Variants in CEP85L observed in about 807,000 individuals in gnomAD.
CEP85L encodes the protein centrosomal protein 85L, also known as centrosomal protein of 85 kDa-like.
CEP85L carries 60 observed loss-of-function variants against 100.3 expected under a neutral mutation model. That is an observed-to-expected ratio of 0.60 (90% CI 0.49 to 0.74). CEP85L has a LOEUF of 0.74. CEP85L is among the 30% of genes least tolerant of loss of function. The probability of loss-of-function intolerance (pLI) is 0.00; values close to 1 mark genes in which losing one functional copy is unlikely to be tolerated. For missense variants in CEP85L, 973 were observed against 936.2 expected, an observed-to-expected ratio of 1.04 and a Z score of -0.51; for synonymous variants, 319 against 322.7, an observed-to-expected ratio of 0.99 and a Z score of 0.12.
chr6:118,600,222 T>C (rs972216841), intron 2 of CEP85L, among the ~76,000 whole-genome samples: 1 of 148,438 alleles, frequency 6.7e-6, no homozygotes, highest in African/African-American at 2.5e-5. Context: ...GAACAGAATA[T>C]GGAAAGAAGA....
chr6:118,556,535 T>C (rs953447940), intron 3 of CEP85L, among the ~76,000 whole-genome samples: 1 of 152,200 alleles, frequency 6.6e-6, no homozygotes, highest in Non-Finnish European at 1.5e-5. Context: ...TCATGCCTGA[T>C]ACTTACCTTC....
At chr6:118,628,864 G>A (rs186551283) in intron 2 of CEP85L, among the ~76,000 whole-genome samples, 120 of 152,218 alleles carry the variant, frequency 7.9e-4, no homozygotes, top group African/African-American at 2.6e-3. Flanking sequence ...GGCACAATCC[G>A]TGAAAGCAAC....
At chr6:118,623,293 A>G (rs1773572561) in intron 2 of CEP85L, among the ~76,000 whole-genome samples, 1 of 152,196 alleles carries the variant, frequency 6.6e-6, no homozygotes, top group Non-Finnish European at 1.5e-5. Context: ...CTTCACCCAC[A>G]TGCCTAAGTC....
At chr6:118,607,274 G>A (rs1772289563) in intron 2 of CEP85L, among the ~76,000 whole-genome samples, 1 of 152,110 alleles carries the variant, frequency 6.6e-6, no homozygotes, top group Non-Finnish European at 1.5e-5. Context: ...AGAAAAGATA[G>A]GAAAGGAAAA....
intron 5 of CEP85L, among the ~76,000 whole-genome samples, chr6:118,493,982 A>C (rs185088689): frequency 6.6e-6 from 1 of 152,310 alleles, no homozygotes; most frequent in African/African-American, 2.4e-5. Context: ...AAAAAAAATA[A>C]AATAAAAAGC....
chr6:118,469,002 C>T (rs902144766), intron 12 of CEP85L, 70 bp downstream of exon 12: 12 of 1,022,508 alleles, frequency 1.2e-5, no homozygotes, highest in South Asian at 2.8e-5. Context: ...AAAAGGCAGT[C>T]GGAAGTTCCT....
At chr6:118,600,297 GGGGGTGTGTGTGTGTGTGT>G (rs1781671220) in intron 2 of CEP85L, among the ~76,000 whole-genome samples, 15 of 61,282 alleles carry the variant, frequency 2.4e-4, no homozygotes, top group African/African-American at 9.8e-4. Flanking sequence ...GAGCCTTCCT[GGGGGTGTGTGTGTGTGTGT>G]GTGTGTGTGT....
At chr6:118,496,274 G>A (rs1355353198) in intron 5 of CEP85L, among the ~76,000 whole-genome samples, 2 of 152,188 alleles carry the variant, frequency 1.3e-5, no homozygotes, top group East Asian at 1.9e-4. Context: ...TGATGGTGCA[G>A]CTCTGTGAGG....
At chr6:118,668,360 A>G (rs1776194543) in intron 1 of CEP85L, among the ~76,000 whole-genome samples, 1 of 152,236 alleles carries the variant, frequency 6.6e-6, no homozygotes, top group African/African-American at 2.4e-5. Flanking sequence ...GCTTACCTGA[A>G]TAAGGTGGGT....
intron 4 of CEP85L, among the ~76,000 whole-genome samples, chr6:118,519,581 TGGCGGGGG>T (rs1776534139): frequency 6.6e-4 from 2 of 3,036 alleles, no homozygotes; most frequent in African/African-American, 1.5e-3. Flanking sequence ...TGTGTGTGTG[TGGCGGGGG>T]GGGGGTGTGA....
intron 1 of CEP85L, among the ~76,000 whole-genome samples, chr6:118,688,950 T>A (rs1247857589): frequency 6.7e-6 from 1 of 149,022 alleles, no homozygotes. Context: ...TCAGCCAACA[T>A]GGGAACCACC....
chr6:118,636,267 T>C (rs1774487675), intron 1 of CEP85L, among the ~76,000 whole-genome samples: 1 of 152,240 alleles, frequency 6.6e-6, no homozygotes, highest in South Asian at 2.1e-4. Context: ...AGCATATTAA[T>C]TCATTTCTTT....
intron 3 of CEP85L, among the ~76,000 whole-genome samples, chr6:118,539,192 G>C (rs1279256731): frequency 6.6e-6 from 1 of 152,126 alleles, no homozygotes; most frequent in Non-Finnish European, 1.5e-5. Flanking sequence ...AAAAATATTT[G>C]ATAGTCATGC....
At chr6:118,524,030 G>C (rs958884702) in intron 3 of CEP85L, 110 bp from the exon 4 acceptor site, 2 of 458,870 alleles carry the variant, frequency 4.4e-6, no homozygotes, top group African/African-American at 4.1e-5. Context: ...CTCCCTCTTT[G>C]ATTTTTTAAT....
At chr6:118,505,675 T>C (rs756974883) in intron 5 of CEP85L, among the ~76,000 whole-genome samples, 1 of 152,140 alleles carries the variant, frequency 6.6e-6, no homozygotes, top group Non-Finnish European at 1.5e-5. Flanking sequence ...TCCAATTACA[T>C]AACATTCTGG....
chr6:118,552,872 C>T (rs1025676680), intron 3 of CEP85L, among the ~76,000 whole-genome samples: 1 of 152,046 alleles, frequency 6.6e-6, no homozygotes, highest in Non-Finnish European at 1.5e-5. Flanking sequence ...TCTGGCATTT[C>T]TACACCCAAA....
chr6:118,502,440 T>C (rs1215845099), intron 5 of CEP85L: 6 of 529,612 alleles, frequency 1.1e-5, no homozygotes, highest in African/African-American at 7.7e-5. Flanking sequence ...GTTGGAGATA[T>C]CACCTGACGA....
At position 118,692,234 on chromosome 6, in the gene CEP85L, T is replaced by C. The variant is rs145025876; in HGVS notation, c.-28+17802A>G. Among the ~76,000 whole-genome samples, 465 of 152,290 alleles carry C rather than the reference T, an allele frequency of 3.1e-3. 3 individuals are homozygous for C. The highest frequency in any genetic ancestry group is 5.3e-3 in the Non-Finnish European group (363 of 68,032). Reference sequence around the variant, plus strand: ...CTGAAGACGAATAAGCTATGCAATATATGTTAGAGTATTTTGTTTCATGGT... The same window carrying C: ...CTGAAGACGAATAAGCTATGCAATACATGTTAGAGTATTTTGTTTCATGGT... On this transcript the variant is annotated intron_variant, in intron 1 of 13. Transcript: ENST00000368488.
chr6:118,684,855 T>C (rs1047040266), intron 1 of CEP85L, among the ~76,000 whole-genome samples: 8 of 152,238 alleles, frequency 5.3e-5, no homozygotes, highest in Non-Finnish European at 1.0e-4. Flanking sequence ...TCTCACTATG[T>C]TGCCCAGGCT....
Sources: gnomAD v4.1 joint callset for allele counts (sites outside exome capture counted in the v4.1 genomes callset) on GRCh38, gnomAD v4.1.1 for gene constraint, MANE v1.5 for transcripts, NCBI Gene and HGNC (gene_info 2026-07-23, HGNC 2026-07-21) for gene names.